Variants in RBSN observed in about 807,000 individuals in gnomAD.
RBSN encodes the protein rabenosyn, RAB effector, also known as rabenosyn-5.
RBSN carries 34 observed loss-of-function variants against 60.5 expected under a neutral mutation model. That is an observed-to-expected ratio of 0.56 (90% CI 0.43 to 0.75). The LOEUF (loss-of-function observed/expected upper bound fraction) is 0.75, where lower values mean the gene tolerates loss of function less well. Ranked by LOEUF, RBSN falls within the 30% of genes least tolerant of loss-of-function variation. The pLI, the probability that RBSN is intolerant of heterozygous loss-of-function variation, is 0.00. For synonymous variants in RBSN, 322 were observed against 366.9 expected, an observed-to-expected ratio of 0.88 and a Z score of 1.40; for missense variants, 845 against 986.8, an observed-to-expected ratio of 0.86 and a Z score of 1.92.
chr3:15,095,184 G>GT (rs1055120221), intron 4 of RBSN, among the ~76,000 whole-genome samples: 327 of 146,616 alleles, frequency 2.2e-3, no homozygotes, highest in Middle Eastern at 7.2e-3. Context: ...CCGGCTAGTT[G>GT]TTTTTTTTTT....
chr3:15,085,880 A>T lies in RBSN; in HGVS notation c.371T>A (p.Leu124Gln). The T allele has an allele frequency of 6.2e-7, 1 of 1,614,034 alleles. No individual in the cohort carries two copies. The highest frequency in any genetic ancestry group is 8.5e-7 in the Non-Finnish European group (1 of 1,179,918). Residue 124 changes from leucine (L) to glutamine (Q), a missense_variant, in exon 6 of 14, where the codon CTA (leucine) becomes CAA (glutamine). Coordinates refer to ENST00000253699, the MANE Select transcript of RBSN (RefSeq NM_022340.4). ...IDHYVVEVNK[L>Q]IIRLEKLTAF... is the part of the protein sequence containing the mutation. ...ATTTACCTTCTCTAACCTGATTATT[A>T]GTTTATTGACTTCCACAACATAGTG...
At chr3:15,089,479 A>AAAAAAAAAAAAAAAAAAAC (rs2043447184) in intron 5 of RBSN, among the ~76,000 whole-genome samples, 28 of 104,038 alleles carry the variant, frequency 2.7e-4, no homozygotes, top group Admixed American at 5.0e-4. Flanking sequence ...AAAAAAAAAC[A>AAAAAAAAAAAAAAAAAAAC]AAAAAAAAAA....
chr3:15,073,445 C>T lies in RBSN; in HGVS notation c.*337G>A. 1 of 257,758 alleles carries T rather than the reference C, an allele frequency of 3.9e-6. No homozygotes were observed. Among genetic ancestry groups the T allele is most frequent in the East Asian group, 9.5e-5 (1 of 10,532 alleles). 16.0% of individuals were successfully genotyped at this position (257,758 alleles called of 1,614,324 possible). A position where few individuals can be genotyped will look rare whatever the true frequency, so the allele number is the denominator to read the frequency against. ...AAGAGGTACACAGCAGCCATTTCTG[C>T]CCTGGGCCCAACAGAGCTGCATTTA... On this transcript the variant is annotated 3_prime_UTR_variant, in exon 14 of 14. Coordinates refer to ENST00000253699, the MANE Select transcript of RBSN (RefSeq NM_022340.4).
intron 10 of RBSN, among the ~76,000 whole-genome samples, chr3:15,080,466 A>G (rs1053027560): frequency 1.3e-5 from 2 of 151,922 alleles, no homozygotes; most frequent in African/African-American, 2.4e-5. Context: ...CCCTTCCCAA[A>G]CCTGCTCAGT....
rs1274735463 is a variant in RBSN at position 15,074,736 on chromosome 3, T to C, written c.1401A>G (p.Thr467=). 1 of 1,614,138 alleles carries C rather than the reference T, an allele frequency of 6.2e-7. No homozygotes were observed. Among genetic ancestry groups the C allele is most frequent in the Non-Finnish European group, 8.5e-7 (1 of 1,180,052 alleles). ...CGGCCTTGGCCTGCCTGATGAATGA[T>C]GTGATGTTGTGGATCTGCTGGAGGA... is the stretch of plus-strand genomic sequence containing the variant. The part of the protein sequence containing the change: ...DPLLQQIHNI[T]SFIRQAKAAG... The change falls in exon 14 of 14, where the codon ACA becomes ACG. Residue 467 remains threonine (T), a synonymous_variant. Transcript: ENST00000253699. The surrounding 1 kb of genome is among the most constrained non-coding windows in gnomAD (Gnocchi z 6.4).
rs2042974025 is a variant in RBSN at position 15,073,768 on chromosome 3, C to G, written c.*14G>C. ...CCAGACCCCTGGGCCCAAAGGTGCC[C>G]TCTCCACTGCTGGTCAGTCAGTGCC... On this transcript the variant is annotated 3_prime_UTR_variant, in exon 14 of 14. Transcript: ENST00000253699. 6.3e-7 allele frequency: 1 copy of G among 1,585,118 alleles called. No individual in the cohort carries two copies. Among genetic ancestry groups the G allele is most frequent in the Admixed American group, 1.7e-5 (1 of 58,418 alleles).
At position 15,085,888 on chromosome 3, in the gene RBSN, G is replaced by T; in HGVS notation, c.363C>A (p.Val121=). 1 of 1,613,912 alleles carries T rather than the reference G, an allele frequency of 6.2e-7. No individual in the cohort carries two copies. Among genetic ancestry groups the T allele is most frequent in the South Asian group, 1.1e-5 (1 of 91,054 alleles). ...AARIDHYVVE[V]NKLIIRLEKL... is the part of the protein sequence containing the mutation. ...TCTCTAACCTGATTATTAGTTTATTGACTTCCACAACATAGTGGTCAATTC... is the reference window on the plus strand; with the variant it reads ...TCTCTAACCTGATTATTAGTTTATTTACTTCCACAACATAGTGGTCAATTC... Residue 121 remains valine (V), a synonymous_variant, in exon 6 of 14, where the codon GTC becomes GTA. Transcript: ENST00000253699.
chr3:15,085,725 A>G (rs1187371211), intron 6 of RBSN, 136 bp downstream of exon 6: 5 of 723,892 alleles, frequency 6.9e-6, no homozygotes, highest in Admixed American at 2.1e-5. Context: ...TGTCCTTTGC[A>G]CCTCTCTAGA....
rs1197716389 is a variant in RBSN at position 15,078,960 on chromosome 3, A to G, written c.912-799T>C. ...ACAAAGACAGAAAACTCTGAAATTA[A>G]TAACACTAGATACCATAATTAATTC... On this transcript the variant is annotated intron_variant, in intron 10 of 13. Transcript: ENST00000253699. 4.6e-5 allele frequency among the ~76,000 whole-genome samples: 7 copies of G among 151,794 alleles called. No individual in the cohort carries two copies. In the East Asian group the frequency reaches 1.2e-3, roughly 25 times the overall value.
Position 15,074,045 on chromosome 3 carries a change from G to C in RBSN, c.2092C>G (p.Gln698Glu). 6.2e-7 allele frequency: 1 copy of C among 1,614,086 alleles called. No individual in the cohort carries two copies. Among genetic ancestry groups the C allele is most frequent in the African/African-American group, 1.3e-5 (1 of 74,998 alleles). ...NPFSEEDEHPQQRLSSPLVPG... is the reference protein window; with the variant it reads ...NPFSEEDEHPEQRLSSPLVPG... ...ACCAGAGGGCTTGAGAGCCTCTGCT[G>C]GGGATGTTCGTCTTCCTCACTGAAG... The change falls in exon 14 of 14, where the codon CAG (glutamine) becomes GAG (glutamate). Residue 698 changes from glutamine to glutamate, a missense_variant. Coordinates refer to ENST00000253699, the MANE Select transcript of RBSN (RefSeq NM_022340.4). This position sits in a 1 kb window ranked among gnomAD's most constrained non-coding sequence, Gnocchi z 6.4.
chr3:15,087,322 C>G (rs959736484), intron 5 of RBSN, among the ~76,000 whole-genome samples: 1 of 152,164 alleles, frequency 6.6e-6, no homozygotes, highest in Non-Finnish European at 1.5e-5. Flanking sequence ...CAAGACCAGT[C>G]TGACCAACAT....
chr3:15,073,664 C>G lies in RBSN; in HGVS notation c.*118G>C. 1 of 1,091,412 alleles carries G rather than the reference C, an allele frequency of 9.2e-7. No homozygotes were observed. The highest frequency in any genetic ancestry group is 1.3e-6 in the Non-Finnish European group (1 of 766,710). 67.6% of individuals were successfully genotyped at this position (1,091,412 alleles called of 1,614,324 possible). ...CAAAACAGCAGATTCCTGCCCCTCACCTGTGTGCATCTGAGTTCTCACCCT... is the reference window on the plus strand; with the variant it reads ...CAAAACAGCAGATTCCTGCCCCTCAGCTGTGTGCATCTGAGTTCTCACCCT... On this transcript the variant is annotated 3_prime_UTR_variant, in exon 14 of 14. Transcript: ENST00000253699.
Position 15,074,869 on chromosome 3 carries a change from G to A in RBSN, c.1268C>T (p.Ala423Val). 6.2e-7 allele frequency: 1 copy of A among 1,614,052 alleles called. No individual in the cohort carries two copies. The highest frequency in any genetic ancestry group is 2.2e-5 in the East Asian group (1 of 44,888). Residue 423 changes from alanine (A) to valine (V), a missense_variant, in exon 14 of 14, where the codon GCC (alanine) becomes GTC (valine). Coordinates refer to ENST00000253699, the MANE Select transcript of RBSN (RefSeq NM_022340.4). The surrounding 1 kb of genome is among the most constrained non-coding windows in gnomAD (Gnocchi z 6.4). ...GCGGAGAGATGCCACCTCCCCGTTG[G>A]CCGCTCGAGAAGCCAGGCCACTCTG... Reference protein sequence around the residue: ...ERQSGLASRAANGEVASLRRG... With the variant: ...ERQSGLASRAVNGEVASLRRG...
intron 4 of RBSN, among the ~76,000 whole-genome samples, chr3:15,092,516 C>T (rs2043543180): frequency 6.6e-6 from 1 of 152,170 alleles, no homozygotes; most frequent in African/African-American, 2.4e-5. Context: ...TCAAGGGATG[C>T]TCCTGCCTCA....
In RBSN at chr3:15,090,503, A is replaced by T; in HGVS notation, c.185T>A (p.Leu62Ter). The T allele has an allele frequency of 6.2e-7, 1 of 1,614,220 alleles. No individual in the cohort carries two copies. Among genetic ancestry groups the T allele is most frequent in the Non-Finnish European group, 8.5e-7 (1 of 1,180,030 alleles). ...TCGATCATCCCCTTCTCGTTTCAAC[A>T]ACCTGTCCTTTGCTTTTTTAGCCTT... The part of the protein sequence containing the change: ...VQKAKKAKDR[L>*]LKREGDDRAE... Residue 62 changes from leucine to a stop codon, truncating the protein, a stop_gained, in exon 5 of 14, where the codon TTG becomes TAG. Transcript: ENST00000253699. LOFTEE classifies it high-confidence loss of function.
In RBSN at chr3:15,082,236, C is replaced by T; in HGVS notation, c.840+131G>A. On this transcript the variant is annotated intron_variant, in intron 9 of 13. Coordinates refer to ENST00000253699, the MANE Select transcript of RBSN (RefSeq NM_022340.4). This position sits in a 1 kb window ranked among gnomAD's most constrained non-coding sequence, Gnocchi z 4.2. ...CTAGCTGGGAAATCATAACATGGGC[C>T]TTTAACAGGAACTACAAATAATTCA... The T allele has an allele frequency of 7.9e-7, 1 of 1,259,882 alleles. No homozygotes were observed. The highest frequency in any genetic ancestry group is 2.4e-5 in the East Asian group (1 of 41,756). The allele number at this position is 1,259,882 out of a possible 1,614,324, so 78.0% of individuals were successfully genotyped here. A position where few individuals can be genotyped will look rare whatever the true frequency, so the allele number is the denominator to read the frequency against.
intron 8 of RBSN, among the ~76,000 whole-genome samples, chr3:15,083,495 G>C (rs890147662): frequency 1.3e-5 from 2 of 152,078 alleles, no homozygotes; most frequent in African/African-American, 4.8e-5. Flanking sequence ...GGAGGATCGG[G>C]TTCCACCTAA....
In RBSN at chr3:15,072,061, C is replaced by G. The variant is rs557103713; in HGVS notation, c.*1721G>C. ...AGCACGATCCTGGGTTGTGCTTCTT[C>G]AAACATTTCAGTTTCTCAATACTAA... On this transcript the variant is annotated 3_prime_UTR_variant, in exon 14 of 14. Coordinates refer to ENST00000253699, the MANE Select transcript of RBSN (RefSeq NM_022340.4). 436 of 152,792 alleles carry G rather than the reference C, an allele frequency of 2.9e-3. 3 individuals carry two copies. Among genetic ancestry groups the G allele is most frequent in the Non-Finnish European group, 5.4e-3 (370 of 68,038 alleles). The allele number at this position is 152,792 out of a possible 1,614,324, so 9.5% of individuals were successfully genotyped here.
intron 5 of RBSN, among the ~76,000 whole-genome samples, chr3:15,087,055 T>C (rs758236909): frequency 6.6e-6 from 1 of 152,208 alleles, no homozygotes; most frequent in Non-Finnish European, 1.5e-5. Context: ...CAAATAAAAA[T>C]TGCATATATT....
Sources: allele counts gnomAD v4.1 joint callset (sites outside exome capture counted in the v4.1 genomes callset), GRCh38; gene constraint gnomAD v4.1.1; non-coding constraint Gnocchi (gnomAD v3.1); transcripts MANE v1.5; gene names NCBI Gene and HGNC (gene_info 2026-07-23, HGNC 2026-07-21).